CDH8: variants seen among roughly 807,000 people sequenced by gnomAD.
CDH8 encodes the protein cadherin-8.
A neutral mutation model predicts 68.1 loss-of-function variants in CDH8; 17 were observed. That is an observed-to-expected ratio of 0.25 (90% CI 0.17 to 0.37). The LOEUF (loss-of-function observed/expected upper bound fraction) is 0.37, where lower values mean the gene tolerates loss of function less well. Among genes scored for constraint, CDH8 ranks in the 10% least tolerant of loss-of-function variants. CDH8 has a pLI of 1.00. For missense variants in CDH8, 763 were observed against 999.3 expected (o/e 0.76, Z 3.19); for synonymous variants, 372 against 365.1 (o/e 1.02, Z -0.21).
chr16:61,906,903 A>T (rs1242131824), intron 2 of CDH8, among the ~76,000 whole-genome samples: 1 of 152,182 alleles, frequency 6.6e-6, no homozygotes, highest in Non-Finnish European at 1.5e-5. Context: ...GTTTTAAAGG[A>T]GCTGATGGAA....
At chr16:61,972,731 T>C (rs1041886329) in intron 2 of CDH8, among the ~76,000 whole-genome samples, 1 of 152,038 alleles carries the variant, frequency 6.6e-6, no homozygotes, top group African/African-American at 2.4e-5. Flanking sequence ...TGGAATGACC[T>C]AAGAATGCTA....
intron 10 of CDH8, among the ~76,000 whole-genome samples, chr16:61,670,051 G>T (rs751846226): frequency 3.3e-5 from 5 of 152,000 alleles, no homozygotes; most frequent in Non-Finnish European, 7.4e-5. Flanking sequence ...TGGAACTAAT[G>T]ATATTGATTG....
intron 7 of CDH8, 125 bp downstream of exon 7, chr16:61,817,354 C>G (rs1266127966): frequency 1.2e-6 from 1 of 866,102 alleles, no homozygotes; most frequent in East Asian, 2.6e-5. Flanking sequence ...TATGTGCCAA[C>G]CAACATTATT....
At chr16:61,847,538 TTATATATATATATATA>T (rs56946081) in intron 4 of CDH8, among the ~76,000 whole-genome samples, 1 of 136,750 alleles carries the variant, frequency 7.3e-6, no homozygotes, top group African/African-American at 2.6e-5. Flanking sequence ...TCCAATCATT[TTATATATATATATATA>T]TATATATATA....
chr16:61,710,880 T>G (rs1964618712), intron 10 of CDH8: 1 of 152,024 alleles, frequency 6.6e-6, no homozygotes, highest in Non-Finnish European at 1.5e-5. Context: ...AATTGTTAGC[T>G]ATTTTCCATT....
At chr16:61,946,625 G>C (rs1297936787) in intron 2 of CDH8, among the ~76,000 whole-genome samples, 1 of 152,194 alleles carries the variant, frequency 6.6e-6, no homozygotes. Flanking sequence ...ACTGGCGTTT[G>C]ATAGGTCACA....
chr16:61,749,727 A>T (rs772754263), intron 8 of CDH8, among the ~76,000 whole-genome samples: 8 of 151,844 alleles, frequency 5.3e-5, no homozygotes, highest in Non-Finnish European at 7.4e-5. Flanking sequence ...TTTGCTCTGA[A>T]CTTCCAAGTT....
Position 61,954,517 on chromosome 16 carries a change from C to T in CDH8, c.253-53044G>A, listed in dbSNP as rs186568672. On this transcript the variant is annotated intron_variant, in intron 2 of 11. Coordinates refer to ENST00000577390, the MANE Select transcript of CDH8 (RefSeq NM_001796.5). Reference sequence around the variant, plus strand: ...GAGATTGAGGCCATCCTTACTAACACGGTGAAACCCTGTCTCTACTAAAAA... The same window carrying T: ...GAGATTGAGGCCATCCTTACTAACATGGTGAAACCCTGTCTCTACTAAAAA... 3.8e-3 allele frequency among the ~76,000 whole-genome samples: 576 copies of T among 151,764 alleles called. 10 individuals carry two copies. The highest frequency in any genetic ancestry group is 0.031 in the Admixed American group (477 of 15,220).
chr16:61,787,857 G>C (rs1252854067), intron 8 of CDH8, among the ~76,000 whole-genome samples: 11 of 130,640 alleles, frequency 8.4e-5, no homozygotes, highest in East Asian at 8.3e-4. Context: ...AACCAAACAC[G>C]GCATATTCTC....
intron 10 of CDH8, among the ~76,000 whole-genome samples, chr16:61,704,365 T>A (rs1181165155): frequency 6.6e-6 from 1 of 152,226 alleles, no homozygotes; most frequent in African/African-American, 2.4e-5. Context: ...TTATTTTATT[T>A]TATGAAAATG....
chr16:61,684,934 C>A (rs536933228), intron 10 of CDH8, among the ~76,000 whole-genome samples: 2 of 151,920 alleles, frequency 1.3e-5, no homozygotes, highest in African/African-American at 2.4e-5. Flanking sequence ...TAATTCTACT[C>A]CTTCTCTCTC....
chr16:61,819,446 G>C (rs941495783), intron 6 of CDH8, among the ~76,000 whole-genome samples: 1 of 151,928 alleles, frequency 6.6e-6, no homozygotes, highest in Non-Finnish European at 1.5e-5. Context: ...GGAAAATGTG[G>C]CTCTGGGTTA....
At chr16:62,022,207 AT>A (rs1318575946) in intron 1 of CDH8, among the ~76,000 whole-genome samples, 1 of 152,162 alleles carries the variant, frequency 6.6e-6, no homozygotes, top group Admixed American at 6.6e-5. Context: ...AGCTTCCAGG[AT>A]TCATCAGAAG....
intron 1 of CDH8, among the ~76,000 whole-genome samples, chr16:62,025,276 C>T (rs367704823): frequency 6.6e-6 from 1 of 152,262 alleles, no homozygotes; most frequent in African/African-American, 2.4e-5. Context: ...CCCAGTCCAT[C>T]GTCACTCCAT....
intron 2 of CDH8, chr16:61,918,821 AAGG>A (rs1471639426): frequency 1.3e-5 from 2 of 151,474 alleles, no homozygotes; most frequent in Non-Finnish European, 2.9e-5. Context: ...ACCACAGCTC[AAGG>A]AGGCCTGCCT....
At chr16:61,915,355 T>C (rs1228466864) in intron 2 of CDH8, among the ~76,000 whole-genome samples, 1 of 152,224 alleles carries the variant, frequency 6.6e-6, no homozygotes, top group Non-Finnish European at 1.5e-5. Flanking sequence ...TTCATTTAAT[T>C]ATCACAACTC....
chr16:61,730,811 G>C (rs1959513446), intron 8 of CDH8, among the ~76,000 whole-genome samples: 1 of 151,422 alleles, frequency 6.6e-6, no homozygotes, highest in African/African-American at 2.4e-5. Context: ...TCAAAATTTA[G>C]CATAAGTCAC....
intron 2 of CDH8, among the ~76,000 whole-genome samples, chr16:61,996,441 A>G (rs1965805616): frequency 6.6e-6 from 1 of 152,224 alleles, no homozygotes; most frequent in Admixed American, 6.5e-5. Context: ...TTAAAAGAGC[A>G]TTAATGTACT....
At chr16:61,844,302 G>T (rs1459550519) in intron 4 of CDH8, among the ~76,000 whole-genome samples, 1 of 148,650 alleles carries the variant, frequency 6.7e-6, no homozygotes, top group Non-Finnish European at 1.5e-5. Flanking sequence ...GGGAGGGAGG[G>T]ATAGCATTAG....
Sources: gnomAD v4.1 joint callset for allele counts (sites outside exome capture counted in the v4.1 genomes callset) on GRCh38, gnomAD v4.1.1 for gene constraint, MANE v1.5 for transcripts, NCBI Gene and HGNC (gene_info 2026-07-23, HGNC 2026-07-21) for gene names.